CSNK2A2: variants seen among roughly 807,000 people sequenced by gnomAD.
The protein encoded by CSNK2A2 is casein kinase 2 alpha 2.
In CSNK2A2, 8 loss-of-function variants were observed where a neutral mutation model predicts 54.0. The observed-to-expected ratio is 0.15, with a 90% confidence interval of 0.09 to 0.27. The LOEUF is 0.27. Ranked by LOEUF, CSNK2A2 falls within the 10% of genes least tolerant of loss-of-function variation. The pLI, the probability that CSNK2A2 is intolerant of heterozygous loss-of-function variation, is 1.00. For missense variants in CSNK2A2, 242 were observed against 439.4 expected, an observed-to-expected ratio of 0.55 and a Z score of 4.02; for synonymous variants, 141 against 153.9, an observed-to-expected ratio of 0.92 and a Z score of 0.62.
chr16:58,178,377 C>T lies in CSNK2A2; in HGVS notation c.370-3867G>A, dbSNP rs771932657. Among the ~76,000 whole-genome samples, 8 of 152,020 alleles carry T rather than the reference C, an allele frequency of 5.3e-5. No individual in the cohort carries two copies. The South Asian group carries it at 1.0e-3, about 20-fold the overall frequency. On this transcript the variant is annotated intron_variant, in intron 4 of 11. Coordinates refer to ENST00000262506, the MANE Select transcript of CSNK2A2 (RefSeq NM_001896.4). ...CTGCTCACTGCAACCTCTGCCCCCT[C>T]GGGTTCACGTGATTCTCCTACCTCT...
intron 2 of CSNK2A2, among the ~76,000 whole-genome samples, chr16:58,193,089 G>C (rs1962356114): frequency 6.6e-6 from 1 of 152,174 alleles, no homozygotes; most frequent in Non-Finnish European, 1.5e-5. Context: ...TATACCATGA[G>C]ACATTAGTGA....
At chr16:58,173,421 G>A (rs1961792726) in intron 5 of CSNK2A2, among the ~76,000 whole-genome samples, 1 of 152,124 alleles carries the variant, frequency 6.6e-6, no homozygotes, top group Non-Finnish European at 1.5e-5. Flanking sequence ...ATTTTTGGAG[G>A]CAGTTCATAG....
intron 1 of CSNK2A2, 77 bp from the exon 2 acceptor site, chr16:58,196,921 G>C (rs1342547598): frequency 1.1e-6 from 1 of 893,078 alleles, no homozygotes; most frequent in Non-Finnish European, 1.9e-6. Flanking sequence ...ACGTCATTCA[G>C]CCGCTTCCAC....
rs1025495175 is a variant in CSNK2A2, at chr16:58,197,315, A to C, written c.104+318T>G. On this transcript the variant is annotated intron_variant, in intron 1 of 11. Coordinates refer to ENST00000262506, the MANE Select transcript of CSNK2A2 (RefSeq NM_001896.4). This position sits in a 1 kb window ranked among gnomAD's most constrained non-coding sequence, Gnocchi z 4.0. The stretch of plus-strand genomic sequence containing the variant: ...AGGACAGCTGTTGACTTCCCACCCC[A>C]GTGGAAACCCAGAAGTGTGAGGAAG... The C allele has an allele frequency of 9.4e-6, 3 of 319,404 alleles. No individual in the cohort carries two copies. Among genetic ancestry groups the C allele is most frequent in the Non-Finnish European group, 5.9e-6 (1 of 170,444 alleles). 19.8% of individuals were successfully genotyped at this position (319,404 alleles called of 1,614,324 possible). A position where few individuals can be genotyped will look rare whatever the true frequency, so the allele number is the denominator to read the frequency against.
intron 10 of CSNK2A2, among the ~76,000 whole-genome samples, chr16:58,164,896 G>C (rs1961520262): frequency 6.6e-6 from 1 of 152,178 alleles, no homozygotes; most frequent in East Asian, 1.9e-4. Context: ...ACGACTTTAA[G>C]GGGTGAACGT....
At chr16:58,188,794 G>A (rs1962257106) in intron 2 of CSNK2A2, among the ~76,000 whole-genome samples, 1 of 152,146 alleles carries the variant, frequency 6.6e-6, no homozygotes, top group Non-Finnish European at 1.5e-5. Flanking sequence ...TTATATAGGT[G>A]TGTGTATATG....
chr16:58,188,979 C>T (rs1315417317), intron 2 of CSNK2A2, among the ~76,000 whole-genome samples: 4 of 121,542 alleles, frequency 3.3e-5, no homozygotes, highest in Non-Finnish European at 4.8e-5. Context: ...TTTTTTGAGA[C>T]GGAGTCTCAC....
At chr16:58,196,333 G>C (rs1239379639) in intron 2 of CSNK2A2, among the ~76,000 whole-genome samples, 1 of 152,198 alleles carries the variant, frequency 6.6e-6, no homozygotes, top group Non-Finnish European at 1.5e-5. Context: ...GCGTCGGCTG[G>C]GCACAGTGGC....
At chr16:58,196,681 AC>A in intron 2 of CSNK2A2, 51 bp downstream of exon 2, 2 of 1,130,296 alleles carry the variant, frequency 1.8e-6, no homozygotes, top group Non-Finnish European at 2.7e-6. Flanking sequence ...TACCTTACAA[AC>A]TTTTGCCCTG....
chr16:58,167,339 G>T, intron 7 of CSNK2A2, 31 bp from the exon 8 acceptor site: 2 of 1,520,708 alleles, frequency 1.3e-6, no homozygotes, highest in Middle Eastern at 1.7e-4. Flanking sequence ...CATTAGCCAA[G>T]GGTATTAGAA....
chr16:58,195,179 TA>T (rs35006310), intron 2 of CSNK2A2, among the ~76,000 whole-genome samples: 50,282 of 144,480 alleles, frequency 0.35, 8,668 homozygotes, highest in East Asian at 0.64. Context: ...TCCTGTGACT[TA>T]AAAAAAAAAA....
In CSNK2A2 at chr16:58,186,741, C is replaced by A. The variant is rs761792002; in HGVS notation, c.318+14G>T. The A allele has an allele frequency of 3.2e-5, 52 of 1,606,230 alleles. No individual in the cohort carries two copies. Among genetic ancestry groups the A allele is most frequent in the Admixed American group, 3.2e-4 (19 of 59,816 alleles). ...CGGTCTACTAGTATACTCCCCCAACCATTTGGCACCTACCACGGGGTCCTT... is the reference window on the plus strand; with the variant it reads ...CGGTCTACTAGTATACTCCCCCAACAATTTGGCACCTACCACGGGGTCCTT... On this transcript the variant is annotated intron_variant, in intron 3 of 11. Transcript: ENST00000262506.
intron 11 of CSNK2A2, chr16:58,160,846 A>C (rs1597104556): frequency 6.6e-6 from 1 of 152,312 alleles, no homozygotes; most frequent in East Asian, 1.9e-4. Context: ...CTAATCTATC[A>C]GTCTGAGAGC....
intron 5 of CSNK2A2, among the ~76,000 whole-genome samples, chr16:58,169,786 C>T (rs544634608): frequency 3.9e-5 from 6 of 152,118 alleles, no homozygotes; most frequent in Non-Finnish European, 5.9e-5. Flanking sequence ...GCATGGTGCT[C>T]ATGCCTGTAA....
chr16:58,186,566 C>G (rs957810209), intron 3 of CSNK2A2, among the ~76,000 whole-genome samples, 189 bp downstream of exon 3: 2 of 152,174 alleles, frequency 1.3e-5, no homozygotes, highest in African/African-American at 2.4e-5. Flanking sequence ...CTTTTAGGTT[C>G]CATCACAGTG....
At chr16:58,183,531 TCAACTA>T (rs1962118297) in intron 4 of CSNK2A2, among the ~76,000 whole-genome samples, 1 of 152,162 alleles carries the variant, frequency 6.6e-6, no homozygotes, top group Non-Finnish European at 1.5e-5. Context: ...AGAGTTACAA[TCAACTA>T]CAAGTCCTCC....
chr16:58,196,914 T>A, intron 1 of CSNK2A2, 70 bp from the exon 2 acceptor site: 1 of 933,792 alleles, frequency 1.1e-6, no homozygotes, highest in Non-Finnish European at 1.8e-6. Context: ...ACTGTACACG[T>A]CATTCAGCCG....
chr16:58,188,800 A>G (rs944339838), intron 2 of CSNK2A2, among the ~76,000 whole-genome samples: 47 of 152,340 alleles, frequency 3.1e-4, no homozygotes, highest in Admixed American at 1.0e-3. Flanking sequence ...AGGTGTGTGT[A>G]TATGTACACA....
At chr16:58,192,695 G>A (rs1343827604) in intron 2 of CSNK2A2, 1 of 152,222 alleles carries the variant, frequency 6.6e-6, no homozygotes, top group Admixed American at 6.5e-5. Context: ...GACTCCTGGT[G>A]AGTGTTCCTC....
Sources: gnomAD v4.1 joint callset for allele counts (sites outside exome capture counted in the v4.1 genomes callset) on GRCh38, gnomAD v4.1.1 for gene constraint, Gnocchi (gnomAD v3.1) non-coding constraint, MANE v1.5 for transcripts, NCBI Gene and HGNC (gene_info 2026-07-23, HGNC 2026-07-21) for gene names.